The following ZSWIM6 variants were observed in gnomAD, a reference collection of about 807,000 sequenced individuals.
ZSWIM6 encodes the protein zinc finger SWIM domain-containing protein 6.
Under a neutral mutation model 113.2 loss-of-function variants are expected in ZSWIM6, and 9 were observed. That is an observed-to-expected ratio of 0.08 (90% CI 0.05 to 0.14). ZSWIM6 has a LOEUF of 0.14. Among genes scored for constraint, ZSWIM6 ranks in the 10% least tolerant of loss-of-function variants. The pLI is 1.00. For synonymous variants in ZSWIM6, 611 were observed against 606.5 expected (o/e 1.01, Z -0.11); for missense variants, 1,162 against 1,552.2 (o/e 0.75, Z 4.22).
At chr5:61,377,765 A>C (rs1161624845) in intron 1 of ZSWIM6, among the ~76,000 whole-genome samples, 1 of 152,132 alleles carries the variant, frequency 6.6e-6, no homozygotes, top group Non-Finnish European at 1.5e-5. Flanking sequence ...AAAAATGTTT[A>C]CAGCTCCACA....
intron 1 of ZSWIM6, among the ~76,000 whole-genome samples, chr5:61,385,830 G>T (rs192769722): frequency 1.3e-5 from 2 of 152,088 alleles, no homozygotes; most frequent in African/African-American, 4.8e-5. Context: ...CTTGTCTTTC[G>T]AATAGAGGCA....
intron 4 of ZSWIM6, among the ~76,000 whole-genome samples, chr5:61,496,995 G>A (rs1360520716): frequency 2.6e-5 from 4 of 151,796 alleles, no homozygotes; most frequent in African/African-American, 9.7e-5. Context: ...AAGTGGGGCC[G>A]CTCTGTGACA....
chr5:61,422,665 A>G (rs775672307), intron 1 of ZSWIM6, among the ~76,000 whole-genome samples: 4 of 152,172 alleles, frequency 2.6e-5, no homozygotes, highest in African/African-American at 4.8e-5. Flanking sequence ...TAGTGTGGAC[A>G]TTTTAACAAT....
At chr5:61,489,410 C>A (rs1013296239) in intron 2 of ZSWIM6, among the ~76,000 whole-genome samples, 3 of 151,926 alleles carry the variant, frequency 2.0e-5, no homozygotes. Flanking sequence ...ATCTCAAAAA[C>A]TTAAAGGAGA....
intron 4 of ZSWIM6, among the ~76,000 whole-genome samples, chr5:61,496,997 T>C (rs1478409025): frequency 2.6e-5 from 4 of 151,960 alleles, no homozygotes; most frequent in African/African-American, 9.7e-5. Flanking sequence ...GTGGGGCCGC[T>C]CTGTGACAGC....
At chr5:61,458,029 T>TG (rs1257664484) in intron 1 of ZSWIM6, among the ~76,000 whole-genome samples, 4 of 152,330 alleles carry the variant, frequency 2.6e-5, no homozygotes, top group South Asian at 4.1e-4. Context: ...TATCATTTGA[T>TG]GCCCCATATT....
intron 1 of ZSWIM6, among the ~76,000 whole-genome samples, chr5:61,448,620 G>T (rs1430411762): frequency 1.3e-5 from 2 of 152,060 alleles, no homozygotes; most frequent in African/African-American, 4.8e-5. Flanking sequence ...GATGATAATG[G>T]TGTTGCTGTG....
intron 3 of ZSWIM6, among the ~76,000 whole-genome samples, chr5:61,492,960 G>A (rs979730392): frequency 2.0e-5 from 3 of 151,966 alleles, no homozygotes; most frequent in Non-Finnish European, 2.9e-5. Flanking sequence ...AATTTCTTAC[G>A]GGGAAATTAC....
At chr5:61,522,717 C>A (rs1046369812) in intron 5 of ZSWIM6, among the ~76,000 whole-genome samples, 22 of 152,150 alleles carry the variant, frequency 1.4e-4, no homozygotes, top group South Asian at 1.0e-3. Context: ...TCCCACATAC[C>A]CCCAGTTTTT....
intron 3 of ZSWIM6, among the ~76,000 whole-genome samples, chr5:61,491,471 AATAAC>A (rs776898699): frequency 2.4e-4 from 37 of 152,210 alleles, no homozygotes; most frequent in South Asian, 4.1e-4. Flanking sequence ...ATTAGCTAAT[AATAAC>A]ATATCTCCTA....
At chr5:61,452,534 A>T (rs918503025) in intron 1 of ZSWIM6, among the ~76,000 whole-genome samples, 1 of 152,128 alleles carries the variant, frequency 6.6e-6, no homozygotes, top group Non-Finnish European at 1.5e-5. Context: ...GATGTTTGTG[A>T]CCTTTTTGCC....
chr5:61,467,194 A>G (rs1260008688), intron 1 of ZSWIM6, among the ~76,000 whole-genome samples: 1 of 152,236 alleles, frequency 6.6e-6, no homozygotes. Flanking sequence ...TATGAGAATT[A>G]TATCTAGTGA....
At chr5:61,444,262 A>G (rs1055231055) in intron 1 of ZSWIM6, among the ~76,000 whole-genome samples, 4 of 151,800 alleles carry the variant, frequency 2.6e-5, no homozygotes, top group South Asian at 4.2e-4. Context: ...CCATGTCCCT[A>G]CAAAGGACAT....
Position 61,475,663 on chromosome 5 carries a change from T to C in ZSWIM6, c.1033+2626T>C, listed in dbSNP as rs1747694387. On this transcript the variant is annotated intron_variant, in intron 2 of 13. Transcript: ENST00000252744. ...AATTACATGAGCTGCCTTCCTGCCT[T>C]CCATTCTAGTTTGACAAGTGGTAAA... Among the ~76,000 whole-genome samples the C allele has an allele frequency of 2.6e-5, 4 of 152,172 alleles. No homozygotes were observed. In the South Asian group the frequency reaches 8.3e-4, roughly 31 times the overall value.
intron 1 of ZSWIM6, among the ~76,000 whole-genome samples, chr5:61,461,520 G>T (rs1387609335): frequency 6.6e-6 from 1 of 152,206 alleles, no homozygotes; most frequent in Non-Finnish European, 1.5e-5. Context: ...TCTGTGGACT[G>T]TGGCTAAGCC....
At chr5:61,333,003 G>GGA in intron 1 of ZSWIM6, 55 bp downstream of exon 1, 1 of 968,198 alleles carries the variant, frequency 1.0e-6, no homozygotes, top group Non-Finnish European at 1.3e-6. Context: ...CCTGGGTGGG[G>GGA]GGGGGGTGCC....
intron 1 of ZSWIM6, among the ~76,000 whole-genome samples, chr5:61,372,928 AT>A (rs1200505448): frequency 6.6e-6 from 1 of 151,824 alleles, no homozygotes; most frequent in Non-Finnish European, 1.5e-5. Context: ...TTTGTGTTTA[AT>A]TTGTAGGAAC....
chr5:61,494,660 A>G (rs1015899871), intron 4 of ZSWIM6, among the ~76,000 whole-genome samples: 2 of 152,008 alleles, frequency 1.3e-5, no homozygotes, highest in African/African-American at 4.8e-5. Flanking sequence ...TCTCCCTTTA[A>G]GTATTTGGAA....
intron 2 of ZSWIM6, 138 bp from the exon 3 acceptor site, chr5:61,490,648 A>T: frequency 1.2e-6 from 1 of 808,934 alleles, no homozygotes; most frequent in Non-Finnish European, 1.9e-6. Flanking sequence ...TGATCCTTGT[A>T]TTTAGTTTGT....
Sources: gnomAD v4.1 joint callset for allele counts (sites outside exome capture counted in the v4.1 genomes callset) on GRCh38, gnomAD v4.1.1 for gene constraint, MANE v1.5 for transcripts, NCBI Gene and HGNC (gene_info 2026-07-23, HGNC 2026-07-21) for gene names.